Variants in LRP1B observed in about 807,000 individuals in gnomAD.
LRP1B encodes the protein LDL receptor related protein 1B, also known as low-density lipoprotein receptor-related protein 1B.
A neutral mutation model predicts 556.6 loss-of-function variants in LRP1B; 217 were observed. The ratio of observed to expected loss-of-function variants is 0.39; its 90% CI spans 0.35 to 0.44. LRP1B has a LOEUF of 0.44. Ranked by LOEUF, LRP1B falls within the 20% of genes least tolerant of loss-of-function variation. LRP1B has a pLI of 1.00. For missense variants in LRP1B, 5,053 were observed against 5,620.8 expected (o/e 0.90, Z 3.23); for synonymous variants, 2,047 against 1,865.8 (o/e 1.10, Z -2.50).
At position 140,994,118 on chromosome 2, in the gene LRP1B, G is replaced by C. The variant is rs1462237601; in HGVS notation, c.2521C>G (p.Leu841Val). ...TTCTFNPGEALPHICKAGEFR... is the reference protein window; with the variant it reads ...TTCTFNPGEAVPHICKAGEFR... Reference sequence around the variant, plus strand: ...TCTCCAGCTTTACATATGTGAGGTAGTGCTTCTCCAGGATTAACTAGAGTT... The same window carrying C: ...TCTCCAGCTTTACATATGTGAGGTACTGCTTCTCCAGGATTAACTAGAGTT... The change falls in exon 16 of 91, where the codon CTA becomes GTA. Residue 841 changes from leucine to valine, a missense_variant. Leu to Val is a conservative substitution (Grantham distance 32). This residue lies in a region of LRP1B where 3,619 missense variants were observed against 3,931.9 expected (regional missense o/e 0.92). Coordinates refer to ENST00000389484, the MANE Select transcript of LRP1B (RefSeq NM_018557.3). The C allele has an allele frequency of 6.2e-7, 1 of 1,612,406 alleles. No individual in the cohort carries two copies. The highest frequency in any genetic ancestry group is 1.7e-5 in the Admixed American group (1 of 59,888).
chr2:140,567,850 C>A (rs1681181670), intron 43 of LRP1B, among the ~76,000 whole-genome samples: 1 of 152,180 alleles, frequency 6.6e-6, no homozygotes, highest in South Asian at 2.1e-4. Context: ...TATTGAGACA[C>A]TCATAGTTAT....
At chr2:141,184,470 G>A (rs1434250518) in intron 7 of LRP1B, among the ~76,000 whole-genome samples, 1 of 151,792 alleles carries the variant, frequency 6.6e-6, no homozygotes, top group East Asian at 2.0e-4. Context: ...CCATATCTCT[G>A]AAAACTTGGG....
At chr2:141,972,250 G>T (rs1157340468) in intron 1 of LRP1B, among the ~76,000 whole-genome samples, 2 of 151,396 alleles carry the variant, frequency 1.3e-5, no homozygotes, top group African/African-American at 4.8e-5. Context: ...TTTGTTTAAA[G>T]AATTTTTTAA....
At chr2:141,885,615 G>A (rs1307176721) in intron 1 of LRP1B, among the ~76,000 whole-genome samples, 1 of 152,176 alleles carries the variant, frequency 6.6e-6, no homozygotes, top group Non-Finnish European at 1.5e-5. Flanking sequence ...GAATCCTGCA[G>A]CGTGAATGAT....
intron 31 of LRP1B, among the ~76,000 whole-genome samples, chr2:140,815,027 A>G (rs1394096406): frequency 6.6e-6 from 1 of 152,096 alleles, no homozygotes; most frequent in Non-Finnish European, 1.5e-5. Flanking sequence ...TCTGTGATCC[A>G]TAACTACTCA....
At chr2:140,447,777 G>A (rs1686725661) in intron 63 of LRP1B, among the ~76,000 whole-genome samples, 1 of 152,004 alleles carries the variant, frequency 6.6e-6, no homozygotes, top group African/African-American at 2.4e-5. Context: ...TCTAGCTTTT[G>A]ATTTAAAGTG....
At position 140,715,955 on chromosome 2, in the gene LRP1B, C is replaced by A. The variant is rs372264118; in HGVS notation, c.6023+18G>T. On this transcript the variant is annotated intron_variant, in intron 37 of 90. Coordinates refer to ENST00000389484, the MANE Select transcript of LRP1B (RefSeq NM_018557.3). ...ACTCACATAAAACTTGGAAGATATACGTAAATCTTAAAATTACCCTTTCTC... is the reference window on the plus strand; with the variant it reads ...ACTCACATAAAACTTGGAAGATATAAGTAAATCTTAAAATTACCCTTTCTC... The A allele has an allele frequency of 1.3e-6, 2 of 1,547,616 alleles. No homozygotes were observed. Among genetic ancestry groups the A allele is most frequent in the Non-Finnish European group, 8.7e-7 (1 of 1,143,666 alleles).
intron 7 of LRP1B, among the ~76,000 whole-genome samples, chr2:141,062,487 G>A (rs1008687635): frequency 6.6e-6 from 1 of 151,812 alleles, no homozygotes; most frequent in East Asian, 1.9e-4. Flanking sequence ...ACCAACAACT[G>A]TAAAATTTCC....
intron 1 of LRP1B, among the ~76,000 whole-genome samples, chr2:141,928,208 A>G (rs1700388712): frequency 6.6e-6 from 1 of 152,194 alleles, no homozygotes; most frequent in Admixed American, 6.6e-5. Context: ...TAGTTCAGGA[A>G]AGGAACAATA....
In LRP1B at chr2:141,275,682, T is replaced by C. The variant is rs1169111036; in HGVS notation, c.344-21041A>G. 2.0e-5 allele frequency among the ~76,000 whole-genome samples: 3 copies of C among 152,134 alleles called. 1 individual carries two copies. Among genetic ancestry groups the C allele is most frequent in the African/African-American group, 7.2e-5 (3 of 41,436 alleles). ...AAGCCATAATTGCGCCACTGCACTC[T>C]AGGATGGATGACAGAGTGAGACCCT... On this transcript the variant is annotated intron_variant, in intron 3 of 90. Coordinates refer to ENST00000389484, the MANE Select transcript of LRP1B (RefSeq NM_018557.3).
At chr2:141,005,119 C>T (rs1469313429) in intron 15 of LRP1B, among the ~76,000 whole-genome samples, 1 of 151,880 alleles carries the variant, frequency 6.6e-6, no homozygotes, top group Non-Finnish European at 1.5e-5. Context: ...ACTAAATCAC[C>T]CATAGCAGTG....
At chr2:140,532,510 C>T (rs1364617521) in intron 47 of LRP1B, among the ~76,000 whole-genome samples, 1 of 152,022 alleles carries the variant, frequency 6.6e-6, no homozygotes, top group African/African-American at 2.4e-5. Flanking sequence ...GATTCTCCTG[C>T]CTCAGCATCC....
rs77838623 is a variant in LRP1B, at chr2:141,707,852, A to G, written c.205+102427T>C. 2.9e-3 allele frequency among the ~76,000 whole-genome samples: 449 copies of G among 152,224 alleles called. 3 individuals are homozygous for G. Among genetic ancestry groups the G allele is most frequent in the African/African-American group, 0.01 (426 of 41,574 alleles). ...CACTCAGCAACAGGTATCTATTAAG[A>G]CCCAACAACTTGATAGGCATTGTTC... On this transcript the variant is annotated intron_variant, in intron 2 of 90. Coordinates refer to ENST00000389484, the MANE Select transcript of LRP1B (RefSeq NM_018557.3).
intron 3 of LRP1B, among the ~76,000 whole-genome samples, chr2:141,305,059 G>C (rs2105437575): frequency 6.6e-6 from 1 of 152,200 alleles, no homozygotes; most frequent in Admixed American, 6.5e-5. Flanking sequence ...GGATTGCTTT[G>C]TATTTTGTTG....
At chr2:140,238,981 T>A (rs923746982) in intron 88 of LRP1B, among the ~76,000 whole-genome samples, 2 of 151,010 alleles carry the variant, frequency 1.3e-5, no homozygotes, top group South Asian at 4.1e-4. Flanking sequence ...ATAAGTTCAT[T>A]TTCATATAAA....
At position 140,783,972 on chromosome 2, in the gene LRP1B, T is replaced by C. The variant is rs112860310; in HGVS notation, c.5360-7734A>G. On this transcript the variant is annotated intron_variant, in intron 32 of 90. Coordinates refer to ENST00000389484, the MANE Select transcript of LRP1B (RefSeq NM_018557.3). Reference sequence around the variant, plus strand: ...CTCCACCCCAGACTGTATGATCCAGTAGTTCAAGGGTGGGGCCCAACAATT... The same window carrying C: ...CTCCACCCCAGACTGTATGATCCAGCAGTTCAAGGGTGGGGCCCAACAATT... Among the ~76,000 whole-genome samples the C allele has an allele frequency of 2.8e-3, 422 of 152,296 alleles. 1 individual carries two copies. The highest frequency in any genetic ancestry group is 3.7e-3 in the Non-Finnish European group (252 of 68,006).
At position 141,062,019 on chromosome 2, in the gene LRP1B, C is replaced by T. The variant is rs72981092; in HGVS notation, c.1236+32G>A. On this transcript the variant is annotated intron_variant, in intron 8 of 90. Transcript: ENST00000389484. ...GTATTATTCCTTTCTTTTTATTACC[C>T]TAGGAGCGTTGTCTAACAAAATTGT... 2.6e-3 allele frequency: 4,033 copies of T among 1,564,850 alleles called. 90 individuals are homozygous for T. In the African/African-American group the frequency reaches 0.047, roughly 18 times the overall value.
chr2:141,676,482 A>T (rs562937292), intron 2 of LRP1B, among the ~76,000 whole-genome samples: 45 of 152,102 alleles, frequency 3.0e-4, no homozygotes, highest in Non-Finnish European at 5.6e-4. Flanking sequence ...CACTTCAGGC[A>T]TCTGGTTGAT....
intron 1 of LRP1B, among the ~76,000 whole-genome samples, chr2:142,017,314 G>C (rs1703179217): frequency 6.6e-6 from 1 of 152,084 alleles, no homozygotes; most frequent in Admixed American, 6.6e-5. Flanking sequence ...ATTGAAACAT[G>C]AATTGTGAAT....
Sources: allele counts gnomAD v4.1 joint callset (sites outside exome capture counted in the v4.1 genomes callset), GRCh38; gene constraint gnomAD v4.1.1; regional missense constraint gnomAD v4.1.1; transcripts MANE v1.5; gene names NCBI Gene and HGNC (gene_info 2026-07-23, HGNC 2026-07-21).